The following ARHGEF28 variants were observed in gnomAD, a reference collection of about 807,000 sequenced individuals.
ARHGEF28 encodes the protein 190 kDa guanine nucleotide exchange factor.
ARHGEF28 carries 152 observed loss-of-function variants against 206.6 expected under a neutral mutation model. The observed-to-expected ratio is 0.74, with a 90% CI of 0.64 to 0.84. The LOEUF (loss-of-function observed/expected upper bound fraction) is 0.84, where lower values mean the gene tolerates loss of function less well. Among genes scored for constraint, ARHGEF28 ranks in the 40% least tolerant of loss-of-function variants. The pLI is 0.00. For synonymous variants in ARHGEF28, 763 were observed against 776.4 expected (o/e 0.98, Z 0.29); for missense variants, 2,028 against 2,073.2 (o/e 0.98, Z 0.42).
chr5:73,780,395 GCATGATATT>G lies in ARHGEF28; in HGVS notation c.841-279_841-271del. On this transcript the variant is annotated intron_variant, in intron 6 of 35. Coordinates refer to ENST00000513042, the MANE Select transcript of ARHGEF28 (RefSeq NM_001177693.2). Reference sequence around the variant, plus strand: ...ATTTTCGGTTCTCTTTCTGGTACATGCATGATATTCCTGAGAACCTTCTGCTTGGTGTGA... The same window carrying G: ...ATTTTCGGTTCTCTTTCTGGTACATGCCTGAGAACCTTCTGCTTGGTGTGA... 7.6e-6 allele frequency: 3 copies of G among 395,924 alleles called. No individual in the cohort carries two copies. In the South Asian group the frequency reaches 9.2e-5, roughly 12 times the overall value. The allele number at this position is 395,924 out of a possible 1,614,324, so 24.5% of individuals were successfully genotyped here.
intron 6 of ARHGEF28, among the ~76,000 whole-genome samples, chr5:73,777,733 T>C (rs1753618678): frequency 6.6e-6 from 1 of 152,102 alleles, no homozygotes; most frequent in Non-Finnish European, 1.5e-5. Flanking sequence ...TCACATCCAG[T>C]ATATACAGAA....
At chr5:73,722,104 A>G (rs543951904) in intron 2 of ARHGEF28, among the ~76,000 whole-genome samples, 1 of 152,350 alleles carries the variant, frequency 6.6e-6, no homozygotes, top group Admixed American at 6.5e-5. Context: ...GATATATCTG[A>G]CACATGTGAC....
chr5:73,911,645 G>A, intron 35 of ARHGEF28, 70 bp downstream of exon 35: 1 of 1,434,624 alleles, frequency 7.0e-7, no homozygotes, highest in South Asian at 1.4e-5. Flanking sequence ...GTTGGCTCTT[G>A]TGTAGAGTGA....
Position 73,909,808 on chromosome 5 carries a change from A to T in ARHGEF28, c.4558A>T (p.Arg1520Trp). The T allele has an allele frequency of 6.5e-7, 1 of 1,537,898 alleles. No individual in the cohort carries two copies. Among genetic ancestry groups the T allele is most frequent in the East Asian group, 2.3e-5 (1 of 43,036 alleles). ...GCGCCTGGTGGAGAGGGAGCAGGCGAGGATGCGGGCCCAGCAGAGCCTGCT... is the reference window on the plus strand; with the variant it reads ...GCGCCTGGTGGAGAGGGAGCAGGCGTGGATGCGGGCCCAGCAGAGCCTGCT... ...GQRLVEREQA[R>W]MRAQQSLLGH... The change falls in exon 34 of 36, where the codon AGG becomes TGG. Residue 1520 changes from arginine to tryptophan, a missense_variant. Arg to Trp is a moderately radical substitution (Grantham distance 101). Coordinates refer to ENST00000513042, the MANE Select transcript of ARHGEF28 (RefSeq NM_001177693.2).
intron 10 of ARHGEF28, among the ~76,000 whole-genome samples, chr5:73,832,977 A>G (rs1329128098): frequency 6.6e-6 from 1 of 152,206 alleles, no homozygotes; most frequent in Non-Finnish European, 1.5e-5. Flanking sequence ...ATCATATTAT[A>G]AAGAAGCTGG....
chr5:73,676,314 C>T (rs2112229390), intron 1 of ARHGEF28, among the ~76,000 whole-genome samples: 1 of 151,686 alleles, frequency 6.6e-6, no homozygotes, highest in South Asian at 2.1e-4. Flanking sequence ...TGGCTCACTG[C>T]AACCTCTGCC....
intron 35 of ARHGEF28, among the ~76,000 whole-genome samples, chr5:73,924,369 A>C (rs1017483359): frequency 6.6e-6 from 1 of 152,194 alleles, no homozygotes; most frequent in Non-Finnish European, 1.5e-5. Context: ...GTTTAAACTT[A>C]CTTGGTGTCT....
intron 9 of ARHGEF28, among the ~76,000 whole-genome samples, chr5:73,828,487 C>T (rs187506154): frequency 6.6e-6 from 1 of 151,972 alleles, no homozygotes; most frequent in East Asian, 1.9e-4. Flanking sequence ...CTGGATTATG[C>T]TCTTGCACAC....
chr5:73,638,157 T>C (rs769275299), intron 1 of ARHGEF28, among the ~76,000 whole-genome samples: 1 of 152,242 alleles, frequency 6.6e-6, no homozygotes, highest in Non-Finnish European at 1.5e-5. Flanking sequence ...CTGCTAATAA[T>C]TTTTTAAAAC....
At chr5:73,861,486 C>T (rs1301171816) in intron 16 of ARHGEF28, among the ~76,000 whole-genome samples, 1 of 152,084 alleles carries the variant, frequency 6.6e-6, no homozygotes, top group Admixed American at 6.6e-5. Context: ...AGGCTGGAGT[C>T]CAGTGGTGCA....
At chr5:73,887,365 G>A (rs554756741) in intron 25 of ARHGEF28, 58 of 337,484 alleles carry the variant, frequency 1.7e-4, no homozygotes, top group African/African-American at 1.2e-3. Context: ...CTTCTGTTTT[G>A]AAAGTGACTA....
chr5:73,748,149 T>C (rs1042941456), intron 2 of ARHGEF28, among the ~76,000 whole-genome samples: 1 of 152,236 alleles, frequency 6.6e-6, no homozygotes, highest in African/African-American at 2.4e-5. Flanking sequence ...TGGAATTTTG[T>C]CTAAGTTTCC....
intron 1 of ARHGEF28, among the ~76,000 whole-genome samples, chr5:73,677,807 T>A (rs1435676606): frequency 1.3e-5 from 2 of 152,190 alleles, no homozygotes; most frequent in African/African-American, 4.8e-5. Flanking sequence ...TGGAAATACT[T>A]TGGTTTTTTT....
chr5:73,928,566 A>G (rs1348961477), intron 35 of ARHGEF28, among the ~76,000 whole-genome samples: 1 of 152,204 alleles, frequency 6.6e-6, no homozygotes, highest in Non-Finnish European at 1.5e-5. Context: ...CTCTGGCTCA[A>G]AGAAAAACAT....
At chr5:73,741,373 G>T (rs1751380996) in intron 2 of ARHGEF28, among the ~76,000 whole-genome samples, 1 of 50,322 alleles carries the variant, frequency 2.0e-5, no homozygotes, top group African/African-American at 9.2e-5. Flanking sequence ...GTGTGTGTGT[G>T]TGTGTGTGTG....
chr5:73,669,943 T>TC (rs1303979214), intron 1 of ARHGEF28, among the ~76,000 whole-genome samples: 1 of 152,242 alleles, frequency 6.6e-6, no homozygotes, highest in Non-Finnish European at 1.5e-5. Context: ...CGCTTTGGCC[T>TC]CCCACAGTGC....
intron 9 of ARHGEF28, among the ~76,000 whole-genome samples, chr5:73,825,777 T>C (rs763772402): frequency 1.3e-5 from 2 of 152,104 alleles, no homozygotes; most frequent in Non-Finnish European, 2.9e-5. Flanking sequence ...AGAGTTGCCA[T>C]TTTTTGGGAG....
chr5:73,700,823 G>GTC (rs1409674833), intron 2 of ARHGEF28, among the ~76,000 whole-genome samples: 1 of 152,002 alleles, frequency 6.6e-6, no homozygotes, highest in Admixed American at 6.6e-5. Flanking sequence ...AAAAAATAAA[G>GTC]TCACCATAAA....
chr5:73,880,023 C>T (rs1429826571), intron 22 of ARHGEF28, among the ~76,000 whole-genome samples: 2 of 152,202 alleles, frequency 1.3e-5, no homozygotes, highest in African/African-American at 4.8e-5. Context: ...GTGCCCTGCC[C>T]CCAGCGGTGG....
Sources: allele counts gnomAD v4.1 joint callset (sites outside exome capture counted in the v4.1 genomes callset), GRCh38; gene constraint gnomAD v4.1.1; transcripts MANE v1.5; gene names NCBI Gene and HGNC (gene_info 2026-07-23, HGNC 2026-07-21).